FA2H: variants seen among roughly 807,000 people sequenced by gnomAD.
FA2H encodes fatty acid alpha-hydroxylase.
A neutral mutation model predicts 44.9 loss-of-function variants in FA2H; 22 were observed. The observed-to-expected ratio is 0.49, with a 90% CI of 0.35 to 0.70. The LOEUF is 0.70. Ranked by LOEUF, FA2H falls within the 30% of genes least tolerant of loss-of-function variation. The probability of loss-of-function intolerance (pLI) is 0.01; values close to 1 mark genes in which losing one functional copy is unlikely to be tolerated. For missense variants in FA2H, 501 were observed against 504.9 expected (o/e 0.99, Z 0.07); for synonymous variants, 243 against 213.2 (o/e 1.14, Z -1.22).
At chr16:74,715,412 C>A (rs566158942) in intron 6 of FA2H, among the ~76,000 whole-genome samples, 1 of 152,172 alleles carries the variant, frequency 6.6e-6, no homozygotes, top group South Asian at 2.1e-4. Context: ...TTGCCTCAGC[C>A]TTCTAGGTAG....
rs1292518176 is a variant in FA2H, at chr16:74,755,197, G to T, written c.271-15082C>A. 4.0e-5 allele frequency among the ~76,000 whole-genome samples: 6 copies of T among 150,856 alleles called. No individual in the cohort carries two copies. The East Asian group carries it at 9.8e-4, about 25-fold the overall frequency. ...GCAGGGCTGGGGGGTGTTGGTGGGTGGGGATGGAGTCTTGCTCTGTCACCC... is the reference window on the plus strand; with the variant it reads ...GCAGGGCTGGGGGGTGTTGGTGGGTTGGGATGGAGTCTTGCTCTGTCACCC... On this transcript the variant is annotated intron_variant, in intron 1 of 6. Transcript: ENST00000219368.
chr16:74,761,643 T>G (rs966200860), intron 1 of FA2H, among the ~76,000 whole-genome samples: 1 of 152,160 alleles, frequency 6.6e-6, no homozygotes, highest in African/African-American at 2.4e-5. Context: ...TTTAATAAAT[T>G]TGGCCCTTGC....
intron 1 of FA2H, among the ~76,000 whole-genome samples, chr16:74,750,275 A>G (rs1272861604): frequency 6.6e-6 from 1 of 152,298 alleles, no homozygotes; most frequent in East Asian, 1.9e-4. Context: ...CAACTAGTAT[A>G]ATAAAACAAA....
chr16:74,730,017 TCCCCTGG>T (rs772337497), intron 2 of FA2H, among the ~76,000 whole-genome samples: 35 of 151,896 alleles, frequency 2.3e-4, no homozygotes, highest in Non-Finnish European at 7.4e-5. Flanking sequence ...GAAACCTCCT[TCCCCTGG>T]CCCTGGCTGC....
At chr16:74,719,930 G>A (rs1189797938) in intron 4 of FA2H, among the ~76,000 whole-genome samples, 2 of 151,872 alleles carry the variant, frequency 1.3e-5, no homozygotes, top group African/African-American at 2.4e-5. Flanking sequence ...AACAAGCACC[G>A]AGATCTCAAC....
At chr16:74,733,268 A>G (rs1180420665) in intron 2 of FA2H, among the ~76,000 whole-genome samples, 1 of 152,180 alleles carries the variant, frequency 6.6e-6, no homozygotes, top group East Asian at 1.9e-4. Context: ...CTATAGTTCT[A>G]TGACTGGGGC....
intron 4 of FA2H, chr16:74,725,808 T>C: frequency 6.7e-6 from 2 of 300,716 alleles, no homozygotes; most frequent in Non-Finnish European, 1.3e-5. Context: ...CTCTCCCAAG[T>C]TCTCTGCTAA....
rs563070719 is a variant in FA2H, at chr16:74,751,255, T to C, written c.271-11140A>G. Among the ~76,000 whole-genome samples the C allele has an allele frequency of 2.6e-5, 4 of 151,970 alleles. No homozygotes were observed. In the East Asian group the frequency reaches 7.8e-4, roughly 30 times the overall value. ...GATTATAGGCATGCACCACCATGCC[T>C]GACTAATTTTTTGTATTTTTAGTAG... On this transcript the variant is annotated intron_variant, in intron 1 of 6. Transcript: ENST00000219368.
intron 1 of FA2H, among the ~76,000 whole-genome samples, chr16:74,751,364 G>C (rs1285486119): frequency 2.0e-5 from 3 of 152,136 alleles, no homozygotes; most frequent in Admixed American, 2.0e-4. Context: ...CCAAAGTGCT[G>C]GGTTTATAAC....
At chr16:74,741,810 G>A (rs12931271) in intron 1 of FA2H, among the ~76,000 whole-genome samples, 3,961 of 52,410 alleles carry the variant, frequency 0.076, 56 homozygotes, top group East Asian at 0.12. Context: ...ATATATATAT[G>A]TGTGTGTGTG....
chr16:74,768,621 T>A (rs1962850245), intron 1 of FA2H, among the ~76,000 whole-genome samples: 1 of 152,204 alleles, frequency 6.6e-6, no homozygotes, highest in Non-Finnish European at 1.5e-5. Flanking sequence ...CATCAGTTTT[T>A]ATCAGACCGG....
intron 1 of FA2H, among the ~76,000 whole-genome samples, chr16:74,750,060 A>C (rs752205970): frequency 2.2e-4 from 34 of 152,298 alleles, no homozygotes; most frequent in South Asian, 1.0e-3. Flanking sequence ...GGAGGATCTG[A>C]GTTTCAACTC....
intron 1 of FA2H, among the ~76,000 whole-genome samples, chr16:74,744,757 T>C (rs1962383615): frequency 6.6e-6 from 1 of 152,164 alleles, no homozygotes; most frequent in Admixed American, 6.6e-5. Flanking sequence ...CACCAAATTT[T>C]TTATTTTTTA....
intron 1 of FA2H, among the ~76,000 whole-genome samples, chr16:74,770,518 G>T (rs1440122600): frequency 6.6e-6 from 1 of 152,088 alleles, no homozygotes; most frequent in African/African-American, 2.4e-5. Context: ...AGCTGGGACT[G>T]CAGGCACGAG....
At chr16:74,733,451 C>T (rs1962118991) in intron 2 of FA2H, among the ~76,000 whole-genome samples, 2 of 152,138 alleles carry the variant, frequency 1.3e-5, no homozygotes, top group Non-Finnish European at 2.9e-5. Context: ...TCCCCCTTCC[C>T]CCAGCTTGTA....
chr16:74,741,808 A>ATATATATGTGTGTGTGTGTGTG (rs1491185782), intron 1 of FA2H, among the ~76,000 whole-genome samples: 2 of 48,412 alleles, frequency 4.1e-5, no homozygotes, highest in African/African-American at 2.2e-4. Context: ...ATATATATAT[A>ATATATATGTGTGTGTGTGTGTG]TGTGTGTGTG....
At position 74,719,126 on chromosome 16, in the gene FA2H, G is replaced by C. The variant is rs762526718; in HGVS notation, c.648C>G (p.Pro216=). Residue 216 remains proline, a synonymous_variant, in exon 5 of 7, where the codon CCC becomes CCG. Transcript: ENST00000219368. ...GGAATGTCCCCAGCATGAAGAGCCC[G>C]GGGAACATGGACTTGGGCACTGCCA... ...YTVAVPKSMF[P]GLFMLGTFLW... is the part of the protein sequence containing the mutation. The C allele has an allele frequency of 5.4e-5, 87 of 1,613,654 alleles. No individual in the cohort carries two copies. Among genetic ancestry groups the C allele is most frequent in the Non-Finnish European group, 7.2e-5 (85 of 1,180,026 alleles).
intron 2 of FA2H, among the ~76,000 whole-genome samples, chr16:74,735,418 A>G (rs1962161258): frequency 6.6e-6 from 1 of 152,126 alleles, no homozygotes; most frequent in African/African-American, 2.4e-5. Flanking sequence ...CCCTCCCGTC[A>G]CCCAGGGGAT....
chr16:74,740,403 G>A (rs998857350), intron 1 of FA2H, among the ~76,000 whole-genome samples: 2 of 152,042 alleles, frequency 1.3e-5, no homozygotes, highest in African/African-American at 4.8e-5. Flanking sequence ...GATCGCCCGA[G>A]GTCAGGAGTT....
Sources: gnomAD v4.1 joint callset for allele counts (sites outside exome capture counted in the v4.1 genomes callset) on GRCh38, gnomAD v4.1.1 for gene constraint, MANE v1.5 for transcripts, NCBI Gene and HGNC (gene_info 2026-07-23, HGNC 2026-07-21) for gene names.